EXOC1: variants seen among roughly 807,000 people sequenced by gnomAD.
The protein encoded by EXOC1 is SEC3-like 1.
EXOC1 carries 67 observed loss-of-function variants against 107.7 expected under a neutral mutation model. That is an observed-to-expected ratio of 0.62 (90% confidence interval 0.51 to 0.76). The LOEUF is 0.76. Among genes scored for constraint, EXOC1 ranks in the 30% least tolerant of loss-of-function variants. The pLI, the probability that EXOC1 is intolerant of heterozygous loss-of-function variation, is 0.00. For missense variants in EXOC1, 833 were observed against 1,055.7 expected (o/e 0.79, Z 2.92); for synonymous variants, 348 against 353.5 (o/e 0.98, Z 0.17).
chr4:55,877,918 G>A lies in EXOC1; in HGVS notation c.1076G>A (p.Gly359Asp). ...SHLNNVFVQQ[G>D]HDQSSTLAQH... ...ATTTACTTATTTTACTCACTTTAGG[G>A]TCATGATCAGAGTTCGACTCTTGCC... The change falls in exon 9 of 19, where the codon GGT becomes GAT. Residue 359 changes from glycine to aspartate, a missense_variant and splice_region_variant. This residue lies in a region of EXOC1 where 617 missense variants were observed against 701.3 expected (regional missense o/e 0.88). Transcript: ENST00000381295. The A allele has an allele frequency of 6.2e-7, 1 of 1,613,334 alleles. No homozygotes were observed.
At chr4:55,871,654 G>A (rs942997034) in intron 7 of EXOC1, among the ~76,000 whole-genome samples, 195 bp from the exon 8 acceptor site, 3 of 152,288 alleles carry the variant, frequency 2.0e-5, no homozygotes, top group Middle Eastern at 6.8e-3. Context: ...GTTCCCAGGC[G>A]ATGGTGAGGC....
chr4:55,899,924 C>T, intron 17 of EXOC1, 40 bp downstream of exon 17: 1 of 1,540,586 alleles, frequency 6.5e-7, no homozygotes. Flanking sequence ...TACTTTTGAA[C>T]CTATACACAT....
At chr4:55,892,764 G>A (rs1433127070) in intron 14 of EXOC1, 53 bp downstream of exon 14, 4 of 1,557,262 alleles carry the variant, frequency 2.6e-6, no homozygotes, top group Middle Eastern at 1.7e-4. Context: ...ACTTTAAAAT[G>A]TGGAGTGCTG....
Position 55,891,429 on chromosome 4 carries a change from C to T in EXOC1, c.1647+7C>T, listed in dbSNP as rs756416816. ...AAGTATGCCTGGAACTATGGTATGGCTCACAGTGTATTTTGGATAGTATTT... is the reference window on the plus strand; with the variant it reads ...AAGTATGCCTGGAACTATGGTATGGTTCACAGTGTATTTTGGATAGTATTT... On this transcript the variant is annotated splice_region_variant and intron_variant, in intron 13 of 18. Transcript: ENST00000381295. 2.6e-6 allele frequency: 4 copies of T among 1,549,696 alleles called. No homozygotes were observed. In the Admixed American group the frequency reaches 6.7e-5, roughly 26 times the overall value.
chr4:55,897,073 T>C (rs1207067759), intron 16 of EXOC1, among the ~76,000 whole-genome samples, 173 bp downstream of exon 16: 1 of 152,172 alleles, frequency 6.6e-6, no homozygotes, highest in African/African-American at 2.4e-5. Context: ...GTATTCATTA[T>C]GAACCACTTA....
At chr4:55,895,378 C>G (rs1160764847) in intron 15 of EXOC1, among the ~76,000 whole-genome samples, 2 of 152,202 alleles carry the variant, frequency 1.3e-5, no homozygotes, top group East Asian at 3.9e-4. Flanking sequence ...GTATTCAAAC[C>G]CAGAAAGTCT....
In EXOC1 at chr4:55,875,720, G is replaced by A. The variant is rs1054641015; in HGVS notation, c.1075-2197G>A. Reference sequence around the variant, plus strand: ...AAAACTATTTGGTAAACATTTGTATGATATAAGTCTGTCAAATATTCTTCC... The same window carrying A: ...AAAACTATTTGGTAAACATTTGTATAATATAAGTCTGTCAAATATTCTTCC... On this transcript the variant is annotated intron_variant, in intron 8 of 18. Coordinates refer to ENST00000381295, the MANE Select transcript of EXOC1 (RefSeq NM_001024924.2). The A allele has an allele frequency of 1.0e-5, 10 of 985,192 alleles. No homozygotes were observed. In the Admixed American group the frequency reaches 4.3e-4, roughly 42 times the overall value. The allele number at this position is 985,192 out of a possible 1,614,324, so 61.0% of individuals were successfully genotyped here.
intron 16 of EXOC1, 60 bp from the exon 17 acceptor site, chr4:55,899,625 T>C: frequency 6.9e-7 from 1 of 1,444,462 alleles, no homozygotes; most frequent in East Asian, 2.3e-5. Flanking sequence ...GTATAAATGT[T>C]TATAGCTAAA....
rs979870967 is a variant in EXOC1 at position 55,888,719 on chromosome 4, G to A, written c.1331-169G>A. The A allele has an allele frequency of 2.1e-5, 13 of 613,610 alleles. No homozygotes were observed. The African/African-American group carries it at 2.4e-4, about 11-fold the overall frequency. 38.0% of individuals were successfully genotyped at this position (613,610 alleles called of 1,614,324 possible). ...TTTCTCTCATATAATTTCTCAAACA[G>A]TAGGTGACCAACTAAACATGTGTTT... On this transcript the variant is annotated intron_variant, in intron 10 of 18. Coordinates refer to ENST00000381295, the MANE Select transcript of EXOC1 (RefSeq NM_001024924.2).
At chr4:55,886,171 G>A (rs2109436075) in intron 10 of EXOC1, among the ~76,000 whole-genome samples, 1 of 152,224 alleles carries the variant, frequency 6.6e-6, no homozygotes, top group East Asian at 1.9e-4. Context: ...CCATGTTTAA[G>A]GTAGGCTAGG....
At chr4:55,900,777 C>A (rs534621593) in intron 17 of EXOC1, 1 of 152,114 alleles carries the variant, frequency 6.6e-6, no homozygotes, top group Non-Finnish European at 1.5e-5. Flanking sequence ...ACTTGGGAGG[C>A]TGAGGCAGGA....
chr4:55,887,680 C>G (rs1006209014), intron 10 of EXOC1, among the ~76,000 whole-genome samples: 1 of 151,334 alleles, frequency 6.6e-6, no homozygotes, highest in Non-Finnish European at 1.5e-5. Flanking sequence ...TCACTTGAGC[C>G]CAGGAGTTCA....
chr4:55,870,388 T>C (rs1160159780), intron 5 of EXOC1, among the ~76,000 whole-genome samples: 1 of 152,228 alleles, frequency 6.6e-6, no homozygotes, highest in African/African-American at 2.4e-5. Context: ...GCACCTTACT[T>C]GTGCATTCTG....
At chr4:55,854,186 T>TCCCCCCCCCCCCCCCCCCCC (rs1720736213) in intron 1 of EXOC1, among the ~76,000 whole-genome samples, 1 of 42,056 alleles carries the variant, frequency 2.4e-5, no homozygotes. Context: ...CAACCCCAAC[T>TCCCCCCCCCCCCCCCCCCCC]CCCCCCCACC....
chr4:55,861,218 C>G (rs556096967), intron 3 of EXOC1, among the ~76,000 whole-genome samples: 2 of 152,142 alleles, frequency 1.3e-5, no homozygotes, highest in African/African-American at 4.8e-5. Context: ...CTGGCCCTCT[C>G]TCACTCTGCC....
At chr4:55,873,778 G>A (rs765324917) in intron 8 of EXOC1, among the ~76,000 whole-genome samples, 12 of 152,254 alleles carry the variant, frequency 7.9e-5, no homozygotes, top group Non-Finnish European at 1.6e-4. Context: ...AGGTCACCTA[G>A]CAAAATTGTT....
intron 13 of EXOC1, 31 bp from the exon 14 acceptor site, chr4:55,892,604 A>T: frequency 6.2e-7 from 1 of 1,603,078 alleles, no homozygotes; most frequent in Non-Finnish European, 8.5e-7. Flanking sequence ...TTGGTCTTTT[A>T]TTATGTAAAG....
At chr4:55,858,631 G>A (rs181680378) in intron 2 of EXOC1, among the ~76,000 whole-genome samples, 184 bp downstream of exon 2, 1 of 152,286 alleles carries the variant, frequency 6.6e-6, no homozygotes, top group Admixed American at 6.5e-5. Flanking sequence ...CAGTGAAATA[G>A]TATCTCATTG....
chr4:55,860,447 A>G lies in EXOC1; in HGVS notation c.161A>G (p.Lys54Arg). 1 of 1,614,020 alleles carries G rather than the reference A, an allele frequency of 6.2e-7. No individual in the cohort carries two copies. Among genetic ancestry groups the G allele is most frequent in the South Asian group, 1.1e-5 (1 of 91,090 alleles). ...TERPVQVKVV[K>R]VKKSDKGDFY... is the part of the protein sequence containing the mutation. Reference sequence around the variant, plus strand: ...CGCCCTGTGCAGGTTAAGGTGGTCAAAGTCAAGAAATCCGATAAGGGAGAT... The same window carrying G: ...CGCCCTGTGCAGGTTAAGGTGGTCAGAGTCAAGAAATCCGATAAGGGAGAT... The change falls in exon 3 of 19, where the codon AAA (lysine) becomes AGA (arginine). Residue 54 changes from lysine to arginine, a missense_variant. Physicochemically the swap from Lys to Arg is conservative, Grantham distance 26 (BLOSUM62 2). Transcript: ENST00000381295.
Sources: gnomAD v4.1 joint callset for allele counts (sites outside exome capture counted in the v4.1 genomes callset) on GRCh38, gnomAD v4.1.1 for gene constraint, gnomAD v4.1.1 regional missense constraint, MANE v1.5 for transcripts, NCBI Gene and HGNC (gene_info 2026-07-23, HGNC 2026-07-21) for gene names.